SEMA3C: variants seen among roughly 807,000 people sequenced by gnomAD.
SEMA3C encodes the protein semaphorin-3C.
A neutral mutation model predicts 89.4 loss-of-function variants in SEMA3C; 47 were observed. The observed-to-expected ratio is 0.53, with a 90% CI of 0.42 to 0.67. SEMA3C has a LOEUF of 0.67. Ranked by LOEUF, SEMA3C falls within the 30% of genes least tolerant of loss-of-function variation. The pLI is 0.00. For missense variants in SEMA3C, 839 were observed against 929.1 expected (o/e 0.90, Z 1.26); for synonymous variants, 310 against 320.2 (o/e 0.97, Z 0.34).
intron 12 of SEMA3C, among the ~76,000 whole-genome samples, 162 bp downstream of exon 12, chr7:80,789,144 A>G (rs1788873452): frequency 6.6e-6 from 1 of 152,126 alleles, no homozygotes; most frequent in Admixed American, 6.5e-5. Flanking sequence ...CATTTTACAG[A>G]TGTGAAACTG....
At chr7:80,807,246 T>C (rs1031055543) in intron 6 of SEMA3C, among the ~76,000 whole-genome samples, 7 of 152,158 alleles carry the variant, frequency 4.6e-5, no homozygotes, top group Admixed American at 2.6e-4. Flanking sequence ...GTTCAACAGA[T>C]TGATTGGCAC....
intron 2 of SEMA3C, among the ~76,000 whole-genome samples, chr7:80,902,642 C>T (rs1458334102): frequency 6.6e-6 from 1 of 152,084 alleles, no homozygotes; most frequent in Non-Finnish European, 1.5e-5. Context: ...CATTTAAAAC[C>T]AAAACACATG....
intron 2 of SEMA3C, among the ~76,000 whole-genome samples, chr7:80,891,038 G>C (rs528776396): frequency 6.6e-6 from 1 of 152,246 alleles, no homozygotes; most frequent in Admixed American, 6.5e-5. Context: ...TAATTCCTCT[G>C]TACTTTTCTC....
At chr7:80,818,092 T>C (rs1161313267) in intron 5 of SEMA3C, among the ~76,000 whole-genome samples, 2 of 151,504 alleles carry the variant, frequency 1.3e-5, no homozygotes, top group Non-Finnish European at 2.9e-5. Flanking sequence ...ATAATACACA[T>C]AAAAATATAT....
Position 80,916,735 on chromosome 7 carries a change from G to C in SEMA3C, c.47C>G (p.Ser16Cys). Residue 16 changes from serine to cysteine, a missense_variant, in exon 2 of 18, where the codon TCT (serine) becomes TGT (cysteine). By Grantham distance (112) the Ser-to-Cys change is moderately radical (BLOSUM62 -1). Coordinates refer to ENST00000265361, the MANE Select transcript of SEMA3C (RefSeq NM_006379.5). ...ICVLVGVFIC[S>C]ICVKGSSQPQ... Reference sequence around the variant, plus strand: ...CTGGGAAGATCCTTTCACACAGATAGAACAAATAAATACTCCAACCAACAC... The same window carrying C: ...CTGGGAAGATCCTTTCACACAGATACAACAAATAAATACTCCAACCAACAC... The C allele has an allele frequency of 1.9e-6, 3 of 1,613,606 alleles. 1 individual carries two copies. The East Asian group carries it at 6.7e-5, about 36-fold the overall frequency.
chr7:80,897,655 T>C (rs1030081406), intron 2 of SEMA3C, among the ~76,000 whole-genome samples: 1 of 152,112 alleles, frequency 6.6e-6, no homozygotes, highest in African/African-American at 2.4e-5. Flanking sequence ...GAAAACATGC[T>C]TAAAAAAAAG....
chr7:80,917,420 T>C (rs1288390356), intron 1 of SEMA3C, among the ~76,000 whole-genome samples: 3 of 152,228 alleles, frequency 2.0e-5, no homozygotes, highest in African/African-American at 7.2e-5. Context: ...TGTTAAATGA[T>C]GCAGTTGAAG....
intron 1 of SEMA3C, 99 bp downstream of exon 1, chr7:80,918,728 TC>T: frequency 2.7e-6 from 2 of 727,958 alleles, no homozygotes; most frequent in Non-Finnish European, 3.4e-6. Context: ...TAAGAAAATG[TC>T]CAGGCTTGAG....
intron 16 of SEMA3C, among the ~76,000 whole-genome samples, chr7:80,750,473 T>TATATATGTACACACACAC (rs869227686): frequency 3.6e-5 from 2 of 55,436 alleles, no homozygotes; most frequent in Non-Finnish European, 7.0e-5. Flanking sequence ...TATATATATA[T>TATATATGTACACACACAC]ACACACACAC....
chr7:80,875,611 T>C (rs1473524679), intron 2 of SEMA3C, among the ~76,000 whole-genome samples: 21 of 152,068 alleles, frequency 1.4e-4, no homozygotes, highest in Admixed American at 1.4e-3. Context: ...AAAATCCCCC[T>C]CCATCCAACT....
intron 3 of SEMA3C, 78 bp downstream of exon 3, chr7:80,828,506 TA>T: frequency 1.7e-6 from 2 of 1,184,430 alleles, no homozygotes; most frequent in South Asian, 3.4e-5. Flanking sequence ...AAATGCATAT[TA>T]TTTTTTACTT....
chr7:80,831,941 T>C (rs543467801), intron 2 of SEMA3C, among the ~76,000 whole-genome samples: 2 of 152,298 alleles, frequency 1.3e-5, no homozygotes, highest in South Asian at 4.1e-4. Flanking sequence ...TATGGACAGA[T>C]TAAATTACAT....
intron 7 of SEMA3C, among the ~76,000 whole-genome samples, chr7:80,804,948 G>T (rs1039925795): frequency 1.3e-5 from 2 of 152,072 alleles, no homozygotes; most frequent in African/African-American, 2.4e-5. Context: ...AGGGTGAAAT[G>T]ACAAGAATCT....
chr7:80,905,590 C>T (rs185352441), intron 2 of SEMA3C, among the ~76,000 whole-genome samples: 1 of 152,252 alleles, frequency 6.6e-6, no homozygotes, highest in African/African-American at 2.4e-5. Flanking sequence ...GTGCAATAAG[C>T]TCATCCCGGG....
intron 2 of SEMA3C, among the ~76,000 whole-genome samples, chr7:80,902,758 T>C (rs1315193047): frequency 1.3e-5 from 2 of 152,228 alleles, no homozygotes; most frequent in Non-Finnish European, 2.9e-5. Context: ...GTTTCCACTA[T>C]TCCTCAATGA....
At chr7:80,767,360 A>G (rs1788328217) in intron 12 of SEMA3C, among the ~76,000 whole-genome samples, 1 of 152,224 alleles carries the variant, frequency 6.6e-6, no homozygotes, top group Non-Finnish European at 1.5e-5. Context: ...TCCCAATTAC[A>G]GATAGCCAAA....
chr7:80,761,524 G>A (rs934888005), intron 14 of SEMA3C, 92 bp downstream of exon 14: 41 of 692,734 alleles, frequency 5.9e-5, no homozygotes, highest in Non-Finnish European at 6.2e-5. Context: ...TTGTTAGTAC[G>A]ATAACTAATT....
intron 2 of SEMA3C, among the ~76,000 whole-genome samples, chr7:80,852,479 G>C (rs535510367): frequency 6.6e-6 from 1 of 152,210 alleles, no homozygotes; most frequent in South Asian, 2.1e-4. Flanking sequence ...GCAAAAACGG[G>C]ATCATCTCAA....
At chr7:80,864,992 CT>C (rs1322751028) in intron 2 of SEMA3C, among the ~76,000 whole-genome samples, 1 of 152,100 alleles carries the variant, frequency 6.6e-6, no homozygotes, top group East Asian at 1.9e-4. Flanking sequence ...TCTTATTACC[CT>C]ACATCACATA....
Sources: gnomAD v4.1 joint callset for allele counts (sites outside exome capture counted in the v4.1 genomes callset) on GRCh38, gnomAD v4.1.1 for gene constraint, MANE v1.5 for transcripts, NCBI Gene and HGNC (gene_info 2026-07-23, HGNC 2026-07-21) for gene names.